Variants in RGL1 observed in about 807,000 individuals in gnomAD.
RGL1 encodes ral guanine nucleotide dissociation stimulator-like 1.
In RGL1, 24 loss-of-function variants were observed where a neutral mutation model predicts 95.2. The observed-to-expected ratio is 0.25, with a 90% confidence interval of 0.18 to 0.35. The LOEUF (loss-of-function observed/expected upper bound fraction) is 0.35, where lower values mean the gene tolerates loss of function less well. RGL1 is among the 10% of genes least tolerant of loss of function. RGL1 has a pLI of 1.00. For synonymous variants in RGL1, 329 were observed against 344.9 expected (o/e 0.95, Z 0.51); for missense variants, 715 against 936.3 (o/e 0.76, Z 3.08).
At chr1:183,751,237 C>A (rs1352046288) in intron 2 of RGL1, among the ~76,000 whole-genome samples, 1 of 152,214 alleles carries the variant, frequency 6.6e-6, no homozygotes, top group African/African-American at 2.4e-5. Flanking sequence ...GGGGCTGCTG[C>A]CTTTCTTTCA....
chr1:183,890,212 G>A (rs886082876), intron 8 of RGL1, among the ~76,000 whole-genome samples: 9 of 152,066 alleles, frequency 5.9e-5, no homozygotes, highest in Non-Finnish European at 1.0e-4. Flanking sequence ...TGATTGCCAC[G>A]AAAGGTAATC....
chr1:183,904,757 A>G, intron 12 of RGL1, 93 bp from the exon 13 acceptor site: 1 of 1,302,014 alleles, frequency 7.7e-7, no homozygotes, highest in Non-Finnish European at 1.1e-6. Context: ...TTTTATCCTA[A>G]TGTGGTATAT....
At chr1:183,760,246 G>A (rs1426253091) in intron 2 of RGL1, among the ~76,000 whole-genome samples, 3 of 152,144 alleles carry the variant, frequency 2.0e-5, no homozygotes, top group Admixed American at 6.5e-5. Flanking sequence ...TGCTGGCAGA[G>A]GGTCTTGCCT....
upstream of RGL1, chr1:183,805,109 G>C: frequency 1.7e-6 from 1 of 596,002 alleles, no homozygotes; most frequent in Non-Finnish European, 2.5e-6. Context: ...CTCGCTCGCC[G>C]CGCTCCCTTT....
At chr1:183,842,538 T>C (rs1664132209) in intron 2 of RGL1, among the ~76,000 whole-genome samples, 1 of 152,150 alleles carries the variant, frequency 6.6e-6, no homozygotes, top group Non-Finnish European at 1.5e-5. Flanking sequence ...TTTTAGATAT[T>C]TACCCCATAG....
intron 1 of RGL1, among the ~76,000 whole-genome samples, chr1:183,672,501 A>T (rs1160563062): frequency 6.6e-6 from 1 of 152,192 alleles, no homozygotes; most frequent in Non-Finnish European, 1.5e-5. Flanking sequence ...TGCAGTGGCT[A>T]TAAAAATTAT....
At chr1:183,638,447 C>T (rs969479225) in intron 1 of RGL1, among the ~76,000 whole-genome samples, 9 of 152,080 alleles carry the variant, frequency 5.9e-5, no homozygotes, top group South Asian at 2.1e-4. Context: ...TAATTTTGGA[C>T]GAACATTCAG....
chr1:183,703,993 G>T (rs575759256), intron 1 of RGL1, among the ~76,000 whole-genome samples: 2 of 152,126 alleles, frequency 1.3e-5, no homozygotes, highest in Non-Finnish European at 2.9e-5. Context: ...AGAACGAAGC[G>T]CCCTTCCTTG....
chr1:183,709,936 C>T (rs1655159961), intron 1 of RGL1: 1 of 153,802 alleles, frequency 6.5e-6, no homozygotes, highest in African/African-American at 2.4e-5. Context: ...GGTTTTCTTC[C>T]AGCGCTTACT....
chr1:183,742,173 G>T, exon 2 of RGL1: 1 of 1,614,084 alleles, frequency 6.2e-7, no homozygotes, highest in Non-Finnish European at 8.5e-7. Context: ...GGTGAAACCT[G>T]TGGGAGAACC....
intron 10 of RGL1, among the ~76,000 whole-genome samples, chr1:183,898,651 C>T (rs1667841582): frequency 6.6e-6 from 1 of 152,116 alleles, no homozygotes; most frequent in Non-Finnish European, 1.5e-5. Flanking sequence ...CAACATGAAG[C>T]CTATAAAACA....
intron 3 of RGL1, among the ~76,000 whole-genome samples, chr1:183,848,763 A>G (rs1558246697): frequency 6.6e-6 from 1 of 152,224 alleles, no homozygotes; most frequent in African/African-American, 2.4e-5. Context: ...AATAACACAT[A>G]TTAACATTTT....
intron 4 of RGL1, among the ~76,000 whole-genome samples, chr1:183,869,140 T>TA (rs1384626476): frequency 3.3e-5 from 5 of 152,146 alleles, no homozygotes; most frequent in African/African-American, 1.2e-4. Context: ...ATAATAATAA[T>TA]AAAAAAATCC....
At chr1:183,827,207 G>A (rs1163800404) in intron 2 of RGL1, among the ~76,000 whole-genome samples, 1 of 152,228 alleles carries the variant, frequency 6.6e-6, no homozygotes, top group Non-Finnish European at 1.5e-5. Flanking sequence ...ACAGGTGTGA[G>A]CCACTGCATC....
chr1:183,737,801 T>C lies in RGL1; in HGVS notation c.-32-4325T>C, dbSNP rs181086288. On this transcript the variant is annotated intron_variant, in intron 1 of 18. Coordinates refer to the RGL1 transcript ENST00000304685. ...TAATTTTTGAGAAAAATTTTGCTTT[T>C]ATGCTCTCTGATCAGATTTGCCTTT... is the stretch of plus-strand genomic sequence containing the variant. 8.5e-5 allele frequency among the ~76,000 whole-genome samples: 13 copies of C among 152,298 alleles called. No homozygotes were observed. In the East Asian group the frequency reaches 2.5e-3, roughly 29 times the overall value.
rs145145034 is a variant in RGL1, at chr1:183,883,801, C to T, written c.626C>T (p.Thr209Met). 175 of 1,613,916 alleles carry T rather than the reference C, an allele frequency of 1.1e-4. No individual in the cohort carries two copies. Among genetic ancestry groups the T allele is most frequent in the African/African-American group, 1.7e-4 (13 of 74,936 alleles). ...ATGTGAACAGATGGGCTTCCCAACA[C>T]GATCTCCTTCAGCCTGGAAGAGGAA... ...EVETDNGLPN[T>M]ISFSLEEEEE... is the part of the protein sequence containing the mutation. Residue 209 changes from threonine (T) to methionine (M), a missense_variant, in exon 6 of 18, where the codon ACG becomes ATG. Thr to Met is a moderately conservative substitution (Grantham distance 81). Coordinates refer to ENST00000360851, the MANE Select transcript of RGL1 (RefSeq NM_001297671.3).
intron 2 of RGL1, among the ~76,000 whole-genome samples, chr1:183,819,301 T>A (rs1401768586): frequency 6.6e-6 from 1 of 152,202 alleles, no homozygotes; most frequent in Non-Finnish European, 1.5e-5. Flanking sequence ...ACTCTGAGAT[T>A]TATGTTGCAG....
intron 2 of RGL1, among the ~76,000 whole-genome samples, chr1:183,748,493 C>T (rs1385850642): frequency 7.0e-6 from 1 of 142,930 alleles, no homozygotes; most frequent in East Asian, 2.2e-4. Context: ...GCAAGCTCTG[C>T]CTCCTGGGTT....
chr1:183,636,412 G>C (rs1649536511), exon 1 of RGL1: 2 of 380,532 alleles, frequency 5.3e-6, no homozygotes, highest in Non-Finnish European at 9.3e-6. Flanking sequence ...TGGCCAGCGG[G>C]AAGTCCCCAA....
Sources: gnomAD v4.1 joint callset for allele counts (sites outside exome capture counted in the v4.1 genomes callset) on GRCh38, gnomAD v4.1.1 for gene constraint, MANE v1.5 for transcripts, NCBI Gene and HGNC (gene_info 2026-07-23, HGNC 2026-07-21) for gene names.